KCNMB2: variants seen among roughly 807,000 people sequenced by gnomAD.
The protein encoded by KCNMB2 is calcium-activated potassium channel subunit beta-2.
A neutral mutation model predicts 24.5 loss-of-function variants in KCNMB2; 9 were observed. The ratio of observed to expected loss-of-function variants is 0.37; its 90% CI spans 0.22 to 0.64. The LOEUF (loss-of-function observed/expected upper bound fraction) is 0.64. Ranked by LOEUF, KCNMB2 falls within the 30% of genes least tolerant of loss-of-function variation. The pLI is 0.63. For missense variants in KCNMB2, 226 were observed against 284.3 expected, an observed-to-expected ratio of 0.79 and a Z score of 1.47; for synonymous variants, 109 against 104.4, an observed-to-expected ratio of 1.04 and a Z score of -0.27.
At chr3:178,842,180 A>G (rs745948631) in intron 4 of KCNMB2, among the ~76,000 whole-genome samples, 31 of 152,196 alleles carry the variant, frequency 2.0e-4, no homozygotes, top group Non-Finnish European at 3.5e-4. Context: ...ATAAGAGTAT[A>G]CTACTTTCCC....
In KCNMB2 at chr3:178,778,455, G is replaced by GACACACACACAC. The variant is rs71628070; in HGVS notation, c.-67-28851_-67-28840dup. Among the ~76,000 whole-genome samples, 49 of 127,546 alleles carry GACACACACACAC rather than the reference G, an allele frequency of 3.8e-4. 1 individual carries two copies. Among genetic ancestry groups the GACACACACACAC allele is most frequent in the East Asian group, 3.6e-3 (15 of 4,160 alleles). 83.7% of individuals were successfully genotyped at this position (127,546 alleles called of 152,430 possible). A position where few individuals can be genotyped will look rare whatever the true frequency, so the allele number is the denominator to read the frequency against. On this transcript the variant is annotated intron_variant, in intron 1 of 4. Coordinates refer to ENST00000452583, the MANE Select transcript of KCNMB2 (RefSeq NM_181361.3). ...ATTATGCCTGATTTCTACCCTTTAA[G>GACACACACACAC]ACACACACACACACACACACACACA...
chr3:178,784,269 A>T (rs1195721341), intron 1 of KCNMB2, among the ~76,000 whole-genome samples: 1 of 152,178 alleles, frequency 6.6e-6, no homozygotes, highest in Admixed American at 6.6e-5. Context: ...TAGCTATTAC[A>T]ACCTTCATTT....
chr3:178,762,260 T>C (rs1302483067), intron 1 of KCNMB2, among the ~76,000 whole-genome samples: 1 of 152,102 alleles, frequency 6.6e-6, no homozygotes, highest in Non-Finnish European at 1.5e-5. Context: ...ACACAAAGCA[T>C]TCCTGGGGAC....
At chr3:178,801,653 C>T (rs1249257073) in intron 1 of KCNMB2, 1 of 152,190 alleles carries the variant, frequency 6.6e-6, no homozygotes, top group African/African-American at 2.4e-5. Flanking sequence ...AGAAGGAAAG[C>T]TAAGAGGTCA....
chr3:178,538,986 C>A (rs1289260024), intron 1 of KCNMB2, among the ~76,000 whole-genome samples: 1 of 152,126 alleles, frequency 6.6e-6, no homozygotes, highest in African/African-American at 2.4e-5. Context: ...AGTCTGCAGT[C>A]CCCCTTGATA....
At chr3:178,677,811 T>G (rs560914638) in intron 1 of KCNMB2, among the ~76,000 whole-genome samples, 198 of 152,314 alleles carry the variant, frequency 1.3e-3, no homozygotes, top group Non-Finnish European at 2.5e-3. Flanking sequence ...GAATTTATAC[T>G]GAACAGGTTG....
In KCNMB2 at chr3:178,626,663, C is replaced by T. The variant is rs549848854; in HGVS notation, c.-68+89952C>T. 5.3e-4 allele frequency among the ~76,000 whole-genome samples: 81 copies of T among 152,110 alleles called. 1 individual carries two copies. Among genetic ancestry groups the T allele is most frequent in the African/African-American group, 1.7e-3 (71 of 41,498 alleles). On this transcript the variant is annotated intron_variant, in intron 1 of 4. Coordinates refer to ENST00000452583, the MANE Select transcript of KCNMB2 (RefSeq NM_181361.3). ...TCTCATGAGAAGTCACTCACTATCACGGGAACAGCATGGGGTAAACTGCCC... is the reference window on the plus strand; with the variant it reads ...TCTCATGAGAAGTCACTCACTATCATGGGAACAGCATGGGGTAAACTGCCC...
At chr3:178,786,614 T>A (rs1179515668) in intron 1 of KCNMB2, among the ~76,000 whole-genome samples, 3 of 152,130 alleles carry the variant, frequency 2.0e-5, no homozygotes, top group African/African-American at 7.2e-5. Context: ...TTACTAGATT[T>A]GCCATGAGCA....
intron 1 of KCNMB2, among the ~76,000 whole-genome samples, chr3:178,569,838 G>A (rs1716706244): frequency 1.3e-5 from 2 of 152,140 alleles, no homozygotes; most frequent in Non-Finnish European, 2.9e-5. Context: ...ACTGCTTCCA[G>A]CAATAGCTTC....
chr3:178,838,159 C>T (rs1245771353), intron 4 of KCNMB2, among the ~76,000 whole-genome samples: 1 of 152,152 alleles, frequency 6.6e-6, no homozygotes, highest in East Asian at 1.9e-4. Context: ...ATGATCAGGG[C>T]ATCTTTGAAG....
intron 1 of KCNMB2, among the ~76,000 whole-genome samples, chr3:178,648,683 T>A (rs1047947065): frequency 1.3e-5 from 2 of 152,264 alleles, no homozygotes; most frequent in Admixed American, 6.5e-5. Flanking sequence ...TTTACTTATC[T>A]GTTAGCCTAG....
intron 4 of KCNMB2, among the ~76,000 whole-genome samples, chr3:178,839,616 T>A (rs1715355094): frequency 6.6e-6 from 1 of 152,098 alleles, no homozygotes. Flanking sequence ...AAGCTTACAA[T>A]CATGATGGAA....
At chr3:178,689,134 T>C (rs929302791) in intron 1 of KCNMB2, among the ~76,000 whole-genome samples, 2 of 152,208 alleles carry the variant, frequency 1.3e-5, no homozygotes, top group South Asian at 4.1e-4. Flanking sequence ...TTGTTTATTA[T>C]AATGCAAATT....
At chr3:178,640,495 G>A (rs1237977646) in intron 1 of KCNMB2, among the ~76,000 whole-genome samples, 2 of 152,132 alleles carry the variant, frequency 1.3e-5, no homozygotes, top group East Asian at 1.9e-4. Flanking sequence ...TTCCCACCAC[G>A]TCCCTCCCCA....
At chr3:178,692,000 T>C (rs979504797) in intron 1 of KCNMB2, among the ~76,000 whole-genome samples, 8 of 152,216 alleles carry the variant, frequency 5.3e-5, no homozygotes, top group Non-Finnish European at 1.2e-4. Context: ...TCTCTAATGG[T>C]CAATGATGTT....
At chr3:178,633,367 T>C (rs1315059514) in intron 1 of KCNMB2, among the ~76,000 whole-genome samples, 1 of 152,198 alleles carries the variant, frequency 6.6e-6, no homozygotes, top group Non-Finnish European at 1.5e-5. Flanking sequence ...TGACTGGACA[T>C]ACAGGCATTC....
intron 1 of KCNMB2, among the ~76,000 whole-genome samples, chr3:178,620,245 T>C (rs183338000): frequency 1.1e-5 from 1 of 88,560 alleles, no homozygotes; most frequent in African/African-American, 7.3e-5. Flanking sequence ...TATTCATACA[T>C]ACAACTAGAA....
At chr3:178,716,949 G>A (rs955754672) in intron 1 of KCNMB2, among the ~76,000 whole-genome samples, 2 of 151,642 alleles carry the variant, frequency 1.3e-5, no homozygotes, top group African/African-American at 4.9e-5. Context: ...CAGTCTTTAG[G>A]CATTGCTTAA....
chr3:178,812,632 T>G (rs1714241042), intron 2 of KCNMB2, among the ~76,000 whole-genome samples: 1 of 152,194 alleles, frequency 6.6e-6, no homozygotes, highest in Admixed American at 6.5e-5. Flanking sequence ...TTTAATCATC[T>G]GGAACTGATA....
Sources: gnomAD v4.1 joint callset for allele counts (sites outside exome capture counted in the v4.1 genomes callset) on GRCh38, gnomAD v4.1.1 for gene constraint, MANE v1.5 for transcripts, NCBI Gene and HGNC (gene_info 2026-07-23, HGNC 2026-07-21) for gene names.